Variants in DNAH7 observed in about 807,000 individuals in gnomAD.
DNAH7 encodes the protein dynein axonemal heavy chain 7.
Under a neutral mutation model 444.6 loss-of-function variants are expected in DNAH7, and 397 were observed. The observed-to-expected ratio is 0.89, with a 90% CI of 0.82 to 0.97. The LOEUF is 0.97. DNAH7 is among the 50% of genes least tolerant of loss of function. The pLI is 0.00. For synonymous variants in DNAH7, 1,636 were observed against 1,624.4 expected, an observed-to-expected ratio of 1.01 and a Z score of -0.17; for missense variants, 4,902 against 4,800.8, an observed-to-expected ratio of 1.02 and a Z score of -0.62.
Position 195,855,953 on chromosome 2 carries a change from G to A in DNAH7, c.8453C>T (p.Ala2818Val), listed in dbSNP as rs1476637052. 1 of 1,613,414 alleles carries A rather than the reference G, an allele frequency of 6.2e-7. No individual in the cohort carries two copies. Among genetic ancestry groups the A allele is most frequent in the African/African-American group, 1.3e-5 (1 of 74,870 alleles). The change falls in exon 45 of 65, where the codon GCT becomes GTT. Residue 2818 changes from alanine to valine, a missense_variant. Physicochemically the swap from Ala to Val is moderately conservative, Grantham distance 64 (BLOSUM62 0). Transcript: ENST00000312428. ...AATTTTAAGCTCCCCTTCAGCTGCA[G>A]CCAGTTTTATCTTTTTGGGAGCTAC... ...KIVAPKKIKLAAAEGELKIAM... is the reference protein window; with the variant it reads ...KIVAPKKIKLVAAEGELKIAM...
intron 15 of DNAH7, among the ~76,000 whole-genome samples, chr2:195,981,460 A>G (rs1285720249): frequency 6.6e-6 from 1 of 151,368 alleles, no homozygotes; most frequent in African/African-American, 2.4e-5. Flanking sequence ...ATAGAAAAAA[A>G]AAACTTAAAA....
At chr2:195,842,056 A>G (rs911290959) in intron 47 of DNAH7, among the ~76,000 whole-genome samples, 1 of 152,078 alleles carries the variant, frequency 6.6e-6, no homozygotes, top group East Asian at 1.9e-4. Flanking sequence ...CTTCTCAGTT[A>G]TTATTGCTAC....
chr2:195,915,785 C>T (rs1261327499), intron 24 of DNAH7, among the ~76,000 whole-genome samples: 5 of 152,030 alleles, frequency 3.3e-5, no homozygotes, highest in Admixed American at 6.6e-5. Context: ...AGTTCTTCAG[C>T]CATATGGAAA....
chr2:195,923,894 T>C, intron 22 of DNAH7, 87 bp from the exon 23 acceptor site: 1 of 1,138,112 alleles, frequency 8.8e-7, no homozygotes, highest in Non-Finnish European at 1.3e-6. Flanking sequence ...ATATACAGAT[T>C]ATTCTCTGCA....
chr2:195,960,869 T>A lies in DNAH7; in HGVS notation c.2282A>T (p.Asp761Val). ...SVYPQRKKIQ[D>V]GLNPYLRLYE... ...AAGACGAAGATAAGGGTTCAAGCCA[T>A]CTTGGATTTTTTTACGTTGAGGATA... The change falls in exon 18 of 65, where the codon GAT (aspartate) becomes GTT (valine). Residue 761 changes from aspartate to valine, a missense_variant. Asp to Val is a radical substitution (Grantham distance 152). Coordinates refer to ENST00000312428, the MANE Select transcript of DNAH7 (RefSeq NM_018897.3). 5 of 1,614,000 alleles carry A rather than the reference T, an allele frequency of 3.1e-6. No individual in the cohort carries two copies. The highest frequency in any genetic ancestry group is 4.2e-6 in the Non-Finnish European group (5 of 1,179,972).
intron 54 of DNAH7, among the ~76,000 whole-genome samples, chr2:195,805,884 A>C (rs1430844489): frequency 6.6e-6 from 1 of 152,142 alleles, no homozygotes; most frequent in Non-Finnish European, 1.5e-5. Context: ...CCCCTAACCC[A>C]TATTATCACT....
Position 195,922,105 on chromosome 2 carries a change from G to C in DNAH7, c.3918C>G (p.Leu1306=). The C allele has an allele frequency of 6.3e-7, 1 of 1,599,564 alleles. No homozygotes were observed. The highest frequency in any genetic ancestry group is 8.6e-7 in the Non-Finnish European group (1 of 1,166,928). The change falls in exon 24 of 65, where the codon CTC becomes CTG. Residue 1306 remains leucine, a synonymous_variant. Coordinates refer to ENST00000312428, the MANE Select transcript of DNAH7 (RefSeq NM_018897.3). ...GNSPRLVITP[L]TDRCYRTLFG... ...GGGTTTACCTGTAACATCTATCCGT[G>C]AGTGGTGTAATAACCAGCCTAGGGG... is the stretch of plus-strand genomic sequence containing the variant.
At chr2:195,905,275 C>G (rs144725744) in intron 27 of DNAH7, 2 of 152,112 alleles carry the variant, frequency 1.3e-5, no homozygotes, top group Non-Finnish European at 2.9e-5. Flanking sequence ...AATACAAGAA[C>G]TGCAACAACA....
At chr2:195,764,452 C>T (rs1424936477) in intron 61 of DNAH7, among the ~76,000 whole-genome samples, 1 of 152,060 alleles carries the variant, frequency 6.6e-6, no homozygotes, top group African/African-American at 2.4e-5. Context: ...TTAACTTATC[C>T]TTGTGTGCAG....
intron 19 of DNAH7, among the ~76,000 whole-genome samples, chr2:195,949,428 C>T (rs866359276): frequency 6.6e-6 from 1 of 152,104 alleles, no homozygotes; most frequent in Non-Finnish European, 1.5e-5. Context: ...GGACTACAGT[C>T]ACACACCACT....
At chr2:195,742,871 T>C (rs1280318445) in intron 63 of DNAH7, among the ~76,000 whole-genome samples, 1 of 152,236 alleles carries the variant, frequency 6.6e-6, no homozygotes. Flanking sequence ...CGATTAATAT[T>C]GTCAACTTGA....
intron 21 of DNAH7, among the ~76,000 whole-genome samples, chr2:195,930,974 C>A (rs1449350633): frequency 6.6e-6 from 1 of 151,900 alleles, no homozygotes; most frequent in African/African-American, 2.4e-5. Context: ...GGAAACTAAA[C>A]CTTAGGTACT....
intron 17 of DNAH7, among the ~76,000 whole-genome samples, chr2:195,961,566 G>A (rs958707): frequency 0.17 from 25,571 of 151,718 alleles, 2,465 homozygotes; most frequent in African/African-American, 0.27. Context: ...ACAAATGACA[G>A]GATTTCCCAT....
chr2:195,866,630 T>C (rs1224695409), intron 40 of DNAH7, among the ~76,000 whole-genome samples: 1 of 152,246 alleles, frequency 6.6e-6, no homozygotes, highest in Non-Finnish European at 1.5e-5. Flanking sequence ...AGTCAACACA[T>C]CTGCATTAAA....
At chr2:195,801,920 T>G (rs890722889) in intron 54 of DNAH7, among the ~76,000 whole-genome samples, 2 of 152,100 alleles carry the variant, frequency 1.3e-5, no homozygotes, top group Admixed American at 1.3e-4. Flanking sequence ...CTAGATTCAT[T>G]CAAATATGGA....
intron 63 of DNAH7, among the ~76,000 whole-genome samples, chr2:195,743,217 G>T (rs1388294231): frequency 2.0e-5 from 3 of 152,244 alleles, no homozygotes; most frequent in African/African-American, 7.2e-5. Context: ...AGGCTGCGCT[G>T]TCTGCTTCCG....
At chr2:195,958,325 T>G (rs565024924) in intron 18 of DNAH7, among the ~76,000 whole-genome samples, 1 of 152,212 alleles carries the variant, frequency 6.6e-6, no homozygotes, top group African/African-American at 2.4e-5. Context: ...ATTTTTCTCA[T>G]GATTTTCTTA....
rs542547995 is a variant in DNAH7 at position 195,810,347 on chromosome 2, C to T, written c.9762-476G>A. Among the ~76,000 whole-genome samples, 458 of 152,218 alleles carry T rather than the reference C, an allele frequency of 3.0e-3. 3 individuals carry two copies. Among genetic ancestry groups the T allele is most frequent in the African/African-American group, 0.011 (439 of 41,534 alleles). ...AAGAAATCACAAAACTTGGCAAACT[C>T]CATTTTTATTTGCTAGAGGCAAAAC... is the stretch of plus-strand genomic sequence containing the variant. On this transcript the variant is annotated intron_variant, in intron 51 of 64. Coordinates refer to ENST00000312428, the MANE Select transcript of DNAH7 (RefSeq NM_018897.3).
chr2:195,986,417 A>G (rs1370397233), intron 14 of DNAH7, among the ~76,000 whole-genome samples: 1 of 152,222 alleles, frequency 6.6e-6, no homozygotes, highest in African/African-American at 2.4e-5. Context: ...CTCTGATACC[A>G]TAATCATAAA....
Sources: allele counts gnomAD v4.1 joint callset (sites outside exome capture counted in the v4.1 genomes callset), GRCh38; gene constraint gnomAD v4.1.1; transcripts MANE v1.5; gene names NCBI Gene and HGNC (gene_info 2026-07-23, HGNC 2026-07-21).